Variants in STAG1 observed in about 807,000 individuals in gnomAD.
The protein encoded by STAG1 is cohesin subunit SA-1.
Under a neutral mutation model 170.9 loss-of-function variants are expected in STAG1, and 26 were observed. The observed-to-expected ratio is 0.15, with a 90% CI of 0.11 to 0.21. The LOEUF (loss-of-function observed/expected upper bound fraction) is 0.21, where lower values mean the gene tolerates loss of function less well. Among genes scored for constraint, STAG1 ranks in the 10% least tolerant of loss-of-function variants. The pLI is 1.00. For missense variants in STAG1, 964 were observed against 1,509.5 expected, an observed-to-expected ratio of 0.64 and a Z score of 5.99; for synonymous variants, 514 against 497.7, an observed-to-expected ratio of 1.03 and a Z score of -0.44.
At chr3:136,505,553 T>C (rs757035856) in intron 7 of STAG1, among the ~76,000 whole-genome samples, 1 of 152,224 alleles carries the variant, frequency 6.6e-6, no homozygotes. Flanking sequence ...GATTCGTAAT[T>C]AAAAACTAGT....
chr3:136,599,401 T>C (rs1350931053), intron 4 of STAG1, among the ~76,000 whole-genome samples: 1 of 151,988 alleles, frequency 6.6e-6, no homozygotes, highest in African/African-American at 2.4e-5. Context: ...CATGGTGACA[T>C]GTGCCTGTAG....
chr3:136,378,287 A>G (rs749926830), intron 22 of STAG1, among the ~76,000 whole-genome samples: 4 of 152,234 alleles, frequency 2.6e-5, no homozygotes, highest in Admixed American at 6.5e-5. Context: ...TAACTGCAGC[A>G]AAGTTGGAGA....
At chr3:136,585,268 C>G (rs573212535) in intron 4 of STAG1, among the ~76,000 whole-genome samples, 3 of 152,064 alleles carry the variant, frequency 2.0e-5, no homozygotes, top group African/African-American at 7.2e-5. Context: ...ATGGTAAAAC[C>G]CTGTCTCTGC....
chr3:136,462,254 A>T (rs1384764696), intron 13 of STAG1, among the ~76,000 whole-genome samples: 2 of 152,200 alleles, frequency 1.3e-5, no homozygotes, highest in Admixed American at 6.5e-5. Context: ...CATGTTTACT[A>T]CAGCACTATT....
At chr3:136,588,347 T>C (rs573730850) in intron 4 of STAG1, among the ~76,000 whole-genome samples, 1 of 152,194 alleles carries the variant, frequency 6.6e-6, no homozygotes, top group South Asian at 2.1e-4. Context: ...GCTTTTGTTT[T>C]TGTTTTGAGA....
chr3:136,736,680 C>T, intron 1 of STAG1: 1 of 1,604,776 alleles, frequency 6.2e-7, no homozygotes, highest in Non-Finnish European at 8.5e-7. Context: ...CTCTTCTCCC[C>T]TTTGTCGTTT....
At chr3:136,472,666 A>G (rs1469272982) in intron 11 of STAG1, among the ~76,000 whole-genome samples, 174 bp from the exon 12 acceptor site, 1 of 152,202 alleles carries the variant, frequency 6.6e-6, no homozygotes. Flanking sequence ...ATGTTAGTAT[A>G]AATGTTTGTA....
chr3:136,376,178 T>C (rs980905215), intron 23 of STAG1, among the ~76,000 whole-genome samples: 4 of 151,974 alleles, frequency 2.6e-5, no homozygotes, highest in Admixed American at 6.6e-5. Flanking sequence ...TCAATAAAGA[T>C]ACTTGTCACT....
At chr3:136,570,448 G>A (rs1937228368) in intron 4 of STAG1, among the ~76,000 whole-genome samples, 1 of 152,090 alleles carries the variant, frequency 6.6e-6, no homozygotes, top group African/African-American at 2.4e-5. Context: ...TACTGTTGAG[G>A]AATATGAGTA....
chr3:136,594,718 A>G (rs1392112611), intron 4 of STAG1, among the ~76,000 whole-genome samples: 2 of 152,230 alleles, frequency 1.3e-5, no homozygotes, highest in Non-Finnish European at 2.9e-5. Context: ...TTAATATTGT[A>G]GCCCTGCGCC....
At chr3:136,681,338 A>T (rs1576757301) in intron 1 of STAG1, among the ~76,000 whole-genome samples, 1 of 152,368 alleles carries the variant, frequency 6.6e-6, no homozygotes, top group East Asian at 1.9e-4. Context: ...TTATATTAGA[A>T]TTGAAAACTG....
chr3:136,405,823 G>GAAAAAAAAAAAAAAAAAAAAAAAAAAA (rs2087467623), intron 21 of STAG1, among the ~76,000 whole-genome samples: 4 of 78,044 alleles, frequency 5.1e-5, no homozygotes, highest in African/African-American at 1.5e-4. Flanking sequence ...AAAAAAAAAG[G>GAAAAAAAAAAAAAAAAAAAAAAAAAAA]AAAAATGTTA....
At chr3:136,380,475 C>T (rs544644529) in intron 22 of STAG1, among the ~76,000 whole-genome samples, 3 of 151,986 alleles carry the variant, frequency 2.0e-5, no homozygotes, top group Non-Finnish European at 2.9e-5. Context: ...CTCCTGACCT[C>T]GTGATCCGCC....
chr3:136,477,514 T>A, intron 9 of STAG1, 102 bp from the exon 10 acceptor site: 2 of 1,102,444 alleles, frequency 1.8e-6, no homozygotes, highest in Non-Finnish European at 2.5e-6. Context: ...GCTGTTTGTA[T>A]ATATTTGCAT....
At chr3:136,428,151 GAAGA>G (rs1034757443) in intron 16 of STAG1, among the ~76,000 whole-genome samples, 10 of 151,778 alleles carry the variant, frequency 6.6e-5, no homozygotes, top group Non-Finnish European at 1.3e-4. Context: ...TTTAAAGCAA[GAAGA>G]AATACACTAA....
intron 1 of STAG1, among the ~76,000 whole-genome samples, chr3:136,646,725 G>A (rs192537392): frequency 3.9e-5 from 6 of 152,164 alleles, no homozygotes; most frequent in Admixed American, 3.9e-4. Flanking sequence ...GGCCAACATG[G>A]TGAAACTCCG....
rs146270857 is a variant in STAG1, at chr3:136,396,520, C to CTTTTTTTTTTTTTTTT, written c.2277+2213_2277+2228dup. The stretch of plus-strand genomic sequence containing the variant: ...ACAGGCGTGAGCCACCGCGCCTGGC[C>CTTTTTTTTTTTTTTTT]TTTTTTTTTTTTTTTTTTTTTTTTT... On this transcript the variant is annotated intron_variant, in intron 22 of 33. Coordinates refer to ENST00000383202, the MANE Select transcript of STAG1 (RefSeq NM_005862.3). Among the ~76,000 whole-genome samples, 10 of 43,658 alleles carry CTTTTTTTTTTTTTTTT rather than the reference C, an allele frequency of 2.3e-4. 1 individual carries two copies. In the East Asian group the frequency reaches 2.6e-3, roughly 12 times the overall value. The allele number at this position is 43,658 out of a possible 152,430, so 28.6% of individuals were successfully genotyped here.
At chr3:136,417,737 T>C (rs896629499) in intron 21 of STAG1, 148 bp downstream of exon 21, 4 of 639,752 alleles carry the variant, frequency 6.3e-6, no homozygotes, top group Admixed American at 5.4e-5. Context: ...ATCAATAACA[T>C]TTAATTACTA....
chr3:136,536,999 C>G (rs1397689369), intron 6 of STAG1, among the ~76,000 whole-genome samples: 2 of 152,178 alleles, frequency 1.3e-5, no homozygotes, highest in South Asian at 4.1e-4. Flanking sequence ...GATCGAACTG[C>G]AGGGTTCAGT....
Sources: gnomAD v4.1 joint callset for allele counts (sites outside exome capture counted in the v4.1 genomes callset) on GRCh38, gnomAD v4.1.1 for gene constraint, MANE v1.5 for transcripts, NCBI Gene and HGNC (gene_info 2026-07-23, HGNC 2026-07-21) for gene names.